The following TRUB1 variants were observed in gnomAD, a reference collection of about 807,000 sequenced individuals.
TRUB1 encodes pseudouridylate synthase TRUB1.
A neutral mutation model predicts 33.9 loss-of-function variants in TRUB1; 23 were observed. The ratio of observed to expected loss-of-function variants is 0.68; its 90% CI spans 0.49 to 0.96. TRUB1 has a LOEUF of 0.96. Among genes scored for constraint, TRUB1 ranks in the 40% least tolerant of loss-of-function variants. The pLI is 0.00. For missense variants in TRUB1, 378 were observed against 422.2 expected (o/e 0.90, Z 0.92); for synonymous variants, 163 against 165.4 (o/e 0.99, Z 0.11).
chr10:114,962,448 TGTCTG>T (rs2084288393), intron 4 of TRUB1, among the ~76,000 whole-genome samples: 1 of 152,266 alleles, frequency 6.6e-6, no homozygotes, highest in Non-Finnish European at 1.5e-5. Flanking sequence ...AGCTTTCAGC[TGTCTG>T]AAATAACAGT....
intron 3 of TRUB1, among the ~76,000 whole-genome samples, chr10:114,954,824 G>A (rs1038967588): frequency 1.8e-4 from 27 of 151,974 alleles, no homozygotes; most frequent in African/African-American, 6.5e-4. Context: ...GCCTGTTGGA[G>A]CTTTCTAGCC....
intron 2 of TRUB1, among the ~76,000 whole-genome samples, chr10:114,949,491 A>G (rs1180590466): frequency 6.6e-6 from 1 of 152,212 alleles, no homozygotes; most frequent in Non-Finnish European, 1.5e-5. Flanking sequence ...AATAGACTTT[A>G]TGAATGAGTT....
In TRUB1 at chr10:114,975,838, G is replaced by A. The variant is rs2084357901; in HGVS notation, c.*459G>A. 6.6e-6 allele frequency: 1 copy of A among 152,124 alleles called. No individual in the cohort carries two copies. Among genetic ancestry groups the A allele is most frequent in the South Asian group, 2.1e-4 (1 of 4,814 alleles). The allele number at this position is 152,124 out of a possible 1,614,324, so 9.4% of individuals were successfully genotyped here. A position where few individuals can be genotyped will look rare whatever the true frequency, so the allele number is the denominator to read the frequency against. On this transcript the variant is annotated 3_prime_UTR_variant, in exon 8 of 8. Transcript: ENST00000298746. ...GAAATTCTTTAAATTGTTTAAAGTG[G>A]CCATTATTGATCTCTTTCTTCTGTT...
chr10:114,948,252 T>C (rs1403534351), intron 2 of TRUB1, among the ~76,000 whole-genome samples: 2 of 152,168 alleles, frequency 1.3e-5, no homozygotes, highest in Non-Finnish European at 2.9e-5. Context: ...ATGTTTTTCT[T>C]TTATAAGCTG....
At chr10:114,946,321 G>A (rs1289692531) in intron 2 of TRUB1, among the ~76,000 whole-genome samples, 4 of 152,028 alleles carry the variant, frequency 2.6e-5, no homozygotes, top group Non-Finnish European at 5.9e-5. Flanking sequence ...GTGAAGTGCT[G>A]TATACAGGTC....
intron 4 of TRUB1, among the ~76,000 whole-genome samples, chr10:114,963,988 T>C (rs999036200): frequency 6.6e-6 from 1 of 152,070 alleles, no homozygotes; most frequent in Admixed American, 6.6e-5. Flanking sequence ...TGTGTGTGTG[T>C]GTGCGTGTGC....
chr10:114,959,423 C>G (rs1191941373), intron 3 of TRUB1, among the ~76,000 whole-genome samples: 1 of 152,092 alleles, frequency 6.6e-6, no homozygotes, highest in Non-Finnish European at 1.5e-5. Context: ...ACAAACTTCT[C>G]AGTATAAAGG....
chr10:114,974,481 T>C, intron 7 of TRUB1, 96 bp downstream of exon 7: 1 of 1,046,092 alleles, frequency 9.6e-7, no homozygotes, highest in Non-Finnish European at 1.4e-6. Context: ...TTCTGAGTAC[T>C]GGCCTTAGGA....
chr10:114,947,884 C>G (rs1266426621), intron 2 of TRUB1, among the ~76,000 whole-genome samples: 1 of 152,162 alleles, frequency 6.6e-6, no homozygotes, highest in East Asian at 1.9e-4. Context: ...ACATCTGTAT[C>G]AGCCAGATGT....
chr10:114,940,202 A>G (rs1396192366), intron 1 of TRUB1, among the ~76,000 whole-genome samples: 2 of 152,006 alleles, frequency 1.3e-5, no homozygotes, highest in African/African-American at 4.8e-5. Flanking sequence ...GCTCACTGCA[A>G]CCTTCCCCTC....
At chr10:114,950,761 G>T (rs553671266) in intron 2 of TRUB1, among the ~76,000 whole-genome samples, 1 of 152,126 alleles carries the variant, frequency 6.6e-6, no homozygotes, top group East Asian at 1.9e-4. Flanking sequence ...TAATTGTGCC[G>T]TGTGTTTTTC....
intron 4 of TRUB1, among the ~76,000 whole-genome samples, chr10:114,968,779 G>A (rs2084321987): frequency 6.6e-6 from 1 of 152,070 alleles, no homozygotes; most frequent in Admixed American, 6.6e-5. Flanking sequence ...TGTCTTGTTG[G>A]GTTGATATTA....
chr10:114,972,331 G>C, intron 6 of TRUB1, 57 bp downstream of exon 6: 1 of 1,524,860 alleles, frequency 6.6e-7, no homozygotes, highest in Non-Finnish European at 8.8e-7. Flanking sequence ...ATTTGTATTT[G>C]GCTACTTTTG....
At chr10:114,961,785 T>C (rs978120556) in intron 4 of TRUB1, among the ~76,000 whole-genome samples, 4 of 152,198 alleles carry the variant, frequency 2.6e-5, no homozygotes, top group Non-Finnish European at 5.9e-5. Flanking sequence ...TTGAAGCTGC[T>C]ATAGCAGGTA....
chr10:114,970,655 C>A (rs1050818347), intron 5 of TRUB1, among the ~76,000 whole-genome samples: 1 of 152,134 alleles, frequency 6.6e-6, no homozygotes, highest in Non-Finnish European at 1.5e-5. Flanking sequence ...TGAGTGTGGC[C>A]CCAGCCTGGC....
At chr10:114,959,895 TATC>T (rs1432459450) in intron 4 of TRUB1, 88 bp downstream of exon 4, 4 of 751,528 alleles carry the variant, frequency 5.3e-6, no homozygotes, top group Non-Finnish European at 8.9e-6. Flanking sequence ...TCTCTGATAT[TATC>T]AGCCATTTTA....
chr10:114,947,266 T>G (rs1012007367), intron 2 of TRUB1, among the ~76,000 whole-genome samples: 1 of 152,200 alleles, frequency 6.6e-6, no homozygotes, highest in Admixed American at 6.5e-5. Flanking sequence ...GCCAACCCTT[T>G]GATTTTAAGC....
chr10:114,940,846 G>A (rs2084183390), intron 1 of TRUB1, among the ~76,000 whole-genome samples: 1 of 152,156 alleles, frequency 6.6e-6, no homozygotes, highest in African/African-American at 2.4e-5. Flanking sequence ...CAGATCAAGG[G>A]TTTGAAACTG....
intron 1 of TRUB1, among the ~76,000 whole-genome samples, chr10:114,940,277 A>G (rs931715933): frequency 3.3e-5 from 5 of 152,106 alleles, no homozygotes; most frequent in Admixed American, 2.0e-4. Context: ...ATGCACCACC[A>G]TGCCCAGCTA....
Sources: allele counts gnomAD v4.1 joint callset (sites outside exome capture counted in the v4.1 genomes callset), GRCh38; gene constraint gnomAD v4.1.1; transcripts MANE v1.5; gene names NCBI Gene and HGNC (gene_info 2026-07-23, HGNC 2026-07-21).